DCX: variants seen among roughly 807,000 people sequenced by gnomAD.
The protein encoded by DCX is doublecortin, also known as neuronal migration protein doublecortin.
Under a neutral mutation model 20.9 loss-of-function variants are expected in DCX, and 4 were observed. The ratio of observed to expected loss-of-function variants is 0.19; its 90% CI spans 0.09 to 0.44. The LOEUF is 0.44. DCX is among the 20% of genes least tolerant of loss of function. The pLI, the probability that DCX is intolerant of heterozygous loss-of-function variation, is 0.99. For missense variants in DCX, 133 were observed against 296.9 expected, an observed-to-expected ratio of 0.45 and a Z score of 4.06; for synonymous variants, 103 against 111.4, an observed-to-expected ratio of 0.92 and a Z score of 0.47.
At chrX:111,306,340 A>G (rs1027074898) in intron 6 of DCX, among the ~76,000 whole-genome samples, 1 of 112,171 alleles carries the variant, frequency 8.9e-6, no homozygotes, top group African/African-American at 3.2e-5. Flanking sequence ...AGAGACAAAG[A>G]ACATTTTATA....
intron 3 of DCX, among the ~76,000 whole-genome samples, chrX:111,373,924 G>A (rs950459074): frequency 2.7e-5 from 3 of 111,754 alleles, no homozygotes; most frequent in African/African-American, 9.7e-5. Flanking sequence ...CTTATTTAGA[G>A]TCACAGTATA....
intron 6 of DCX, among the ~76,000 whole-genome samples, chrX:111,310,552 G>A (rs758164356): frequency 9.0e-6 from 1 of 111,083 alleles, no homozygotes; most frequent in African/African-American, 3.3e-5. Flanking sequence ...AGTTTGAAGT[G>A]ATATAAAAAT....
At chrX:111,363,330 G>A (rs1924360909) in intron 3 of DCX, among the ~76,000 whole-genome samples, 1 of 110,571 alleles carries the variant, frequency 9.0e-6, no homozygotes, top group African/African-American at 3.3e-5. Flanking sequence ...GCCATTGGGG[G>A]AAGGGAGGCA....
intron 3 of DCX, among the ~76,000 whole-genome samples, chrX:111,349,411 G>A (rs1923129274): frequency 9.0e-6 from 1 of 111,731 alleles, no homozygotes; most frequent in African/African-American, 3.3e-5. Flanking sequence ...GCAAAGGAGT[G>A]CAAACTGATT....
intron 3 of DCX, among the ~76,000 whole-genome samples, chrX:111,353,898 A>G (rs1317592549): frequency 8.9e-6 from 1 of 111,919 alleles, no homozygotes; most frequent in Non-Finnish European, 1.9e-5. Flanking sequence ...GTCTAAAAAA[A>G]TTGACTTTTG....
At chrX:111,398,015 C>T (rs1927469972) in intron 3 of DCX, among the ~76,000 whole-genome samples, 1 of 110,497 alleles carries the variant, frequency 9.1e-6, no homozygotes, top group Non-Finnish European at 1.9e-5. Flanking sequence ...TAAGGCAAAC[C>T]TTATTTGCCC....
intron 3 of DCX, among the ~76,000 whole-genome samples, chrX:111,342,844 A>G (rs781287051): frequency 1.8e-5 from 2 of 111,261 alleles, no homozygotes; most frequent in Admixed American, 9.6e-5. Flanking sequence ...TTAAGGCAGA[A>G]ATCAAGAAGT....
intron 5 of DCX, among the ~76,000 whole-genome samples, chrX:111,323,119 G>A (rs773600040): frequency 4.5e-5 from 5 of 111,770 alleles, no homozygotes; most frequent in Non-Finnish European, 7.5e-5. Flanking sequence ...GAGCTAGCCT[G>A]TTGTCAACGC....
At chrX:111,360,037 C>T (rs765885864) in intron 3 of DCX, among the ~76,000 whole-genome samples, 115 of 111,747 alleles carry the variant, frequency 1.0e-3, no homozygotes, top group Non-Finnish European at 1.9e-3. Context: ...ATTGCAGTAT[C>T]GTGTGTAATT....
Position 111,320,841 on chromosome X carries a change from TCACA to T in DCX, c.947-8109_947-8106del, listed in dbSNP as rs969600224. ...CTCTTTCTTTCTCTCTCTCTCTCTC[TCACA>T]CACACACACACACACACATGCACAC... On this transcript the variant is annotated intron_variant, in intron 5 of 6. Transcript: ENST00000636035. Among the ~76,000 whole-genome samples the T allele has an allele frequency of 3.4e-3, 356 of 103,605 alleles. 2 individuals are homozygous for T. The highest frequency in any genetic ancestry group is 0.012 in the African/African-American group (332 of 27,190). The allele number at this position is 103,605 out of a possible 115,157, so 90.0% of individuals were successfully genotyped here.
intron 2 of DCX, among the ~76,000 whole-genome samples, chrX:111,405,042 G>C (rs1173340057): frequency 8.9e-6 from 1 of 112,459 alleles, no homozygotes; most frequent in Admixed American, 9.4e-5. Context: ...CTAAAAACCT[G>C]CTTTAGGGTG....
chrX:111,335,927 C>T (rs1308944106), intron 3 of DCX, among the ~76,000 whole-genome samples: 1 of 109,989 alleles, frequency 9.1e-6, no homozygotes, highest in East Asian at 2.8e-4. Context: ...GCACTCCAGC[C>T]CGGCAACAGA....
At chrX:111,307,295 T>TATATATACACGTGTATATATATG (rs1569485236) in intron 6 of DCX, among the ~76,000 whole-genome samples, 5 of 108,579 alleles carry the variant, frequency 4.6e-5, no homozygotes, top group Admixed American at 1.0e-4. Flanking sequence ...TATATACATA[T>TATATATACACGTGTATATATATG]ATATATACAC....
intron 2 of DCX, among the ~76,000 whole-genome samples, chrX:111,402,915 G>A (rs1737579805): frequency 9.1e-6 from 1 of 109,513 alleles, no homozygotes; most frequent in South Asian, 4.1e-4. Flanking sequence ...GGGACAAAGG[G>A]ATGGTTTTAA....
intron 3 of DCX, among the ~76,000 whole-genome samples, chrX:111,390,672 T>C (rs1474436018): frequency 9.0e-6 from 1 of 111,320 alleles, no homozygotes; most frequent in Non-Finnish European, 1.9e-5. Flanking sequence ...CTACTCAAAC[T>C]GCATATCTGA....
chrX:111,398,683 C>T (rs1420745607), intron 3 of DCX, among the ~76,000 whole-genome samples: 2 of 112,395 alleles, frequency 1.8e-5, no homozygotes, highest in Non-Finnish European at 3.8e-5. Context: ...AAACCCTATG[C>T]ATCACTGGAC....
intron 5 of DCX, among the ~76,000 whole-genome samples, chrX:111,324,267 G>C (rs1157419405): frequency 2.7e-5 from 3 of 111,045 alleles, no homozygotes; most frequent in African/African-American, 9.8e-5. Flanking sequence ...ACAGCCAGAA[G>C]TATCCATCTC....
intron 3 of DCX, among the ~76,000 whole-genome samples, chrX:111,396,507 A>C (rs1480826608): frequency 1.8e-5 from 2 of 112,003 alleles, no homozygotes; most frequent in Non-Finnish European, 3.8e-5. Flanking sequence ...ACCACTGTGT[A>C]TGATGCCAAA....
intron 6 of DCX, 52 bp from the exon 7 acceptor site, chrX:111,301,795 C>A (rs766605140): frequency 1.4e-5 from 15 of 1,084,409 alleles, no homozygotes; most frequent in Non-Finnish European, 1.8e-5. Context: ...ATATCTTGAG[C>A]TCTGGAATGT....
Sources: allele counts gnomAD v4.1 joint callset (sites outside exome capture counted in the v4.1 genomes callset), GRCh38; gene constraint gnomAD v4.1.1; transcripts MANE v1.5; gene names NCBI Gene and HGNC (gene_info 2026-07-23, HGNC 2026-07-21).